ACVR1: variants seen among roughly 807,000 people sequenced by gnomAD.
ACVR1 encodes the protein activin A receptor type 1, also known as activin receptor type-1.
ACVR1 carries 38 observed loss-of-function variants against 57.1 expected under a neutral mutation model. The observed-to-expected ratio is 0.67, with a 90% CI of 0.51 to 0.87. The LOEUF is 0.87. Ranked by LOEUF, ACVR1 falls within the 40% of genes least tolerant of loss-of-function variation. ACVR1 has a pLI of 0.00. For missense variants in ACVR1, 463 were observed against 638.2 expected, an observed-to-expected ratio of 0.73 and a Z score of 2.96; for synonymous variants, 212 against 228.1, an observed-to-expected ratio of 0.93 and a Z score of 0.63.
chr2:157,761,158 A>T lies in ACVR1; in HGVS notation c.1067-81T>A. 3 of 1,394,526 alleles carry T rather than the reference A, an allele frequency of 2.2e-6. No homozygotes were observed. The South Asian group carries it at 3.7e-5, about 17-fold the overall frequency. The allele number at this position is 1,394,526 out of a possible 1,614,324, so 86.4% of individuals were successfully genotyped here. A position where few individuals can be genotyped will look rare whatever the true frequency, so the allele number is the denominator to read the frequency against. On this transcript the variant is annotated intron_variant, in intron 8 of 10. Coordinates refer to ENST00000434821, the MANE Select transcript of ACVR1 (RefSeq NM_001111067.4). ...GCTGAAGGATTTTAAACCAACCCCA[A>T]TCAAAAGTGCCCTCTTGTGGATCCA...
intron 1 of ACVR1, among the ~76,000 whole-genome samples, chr2:157,819,077 CAAAAAAAAAAAAAA>C (rs386391595): frequency 3.4e-5 from 2 of 59,178 alleles, no homozygotes; most frequent in Admixed American, 2.7e-4. Context: ...GACTCCGTCT[CAAAAAAAAAAAAAA>C]AAAAAAAAAA....
At chr2:157,836,460 T>G (rs1055770583) in intron 1 of ACVR1, among the ~76,000 whole-genome samples, 35 of 152,072 alleles carry the variant, frequency 2.3e-4, no homozygotes, top group African/African-American at 6.5e-4. Flanking sequence ...TCCTTATTGC[T>G]CCTCCCTACA....
At chr2:157,870,888 T>C (rs1690095851) in intron 1 of ACVR1, among the ~76,000 whole-genome samples, 1 of 152,172 alleles carries the variant, frequency 6.6e-6, no homozygotes, top group Non-Finnish European at 1.5e-5. Flanking sequence ...TCCAAACTCA[T>C]CCTTACGGAC....
intron 3 of ACVR1, among the ~76,000 whole-genome samples, chr2:157,796,813 A>G (rs1243834336): frequency 6.6e-6 from 1 of 152,062 alleles, no homozygotes; most frequent in Non-Finnish European, 1.5e-5. Context: ...AACTCACCAA[A>G]TCCTCCCAGC....
chr2:157,863,340 T>C (rs1259709893), intron 1 of ACVR1, among the ~76,000 whole-genome samples: 4,316 of 81,634 alleles, frequency 0.053, 179 homozygotes, highest in African/African-American at 0.11. Flanking sequence ...GTTTCTCTTT[T>C]TTTTTTTTTT....
intron 1 of ACVR1, among the ~76,000 whole-genome samples, chr2:157,845,414 T>C (rs1440372045): frequency 1.3e-5 from 2 of 152,084 alleles, no homozygotes; most frequent in African/African-American, 2.4e-5. Context: ...CATGTGAAGA[T>C]GAAGGTACAC....
chr2:157,811,258 T>C (rs1316080244), intron 2 of ACVR1, among the ~76,000 whole-genome samples: 1 of 152,198 alleles, frequency 6.6e-6, no homozygotes, highest in African/African-American at 2.4e-5. Flanking sequence ...GCTCAGCCTT[T>C]TCTTTTCACT....
intron 9 of ACVR1, among the ~76,000 whole-genome samples, chr2:157,747,122 T>C (rs772193124): frequency 6.6e-6 from 1 of 152,204 alleles, no homozygotes; most frequent in Non-Finnish European, 1.5e-5. Flanking sequence ...TCACAGAAGA[T>C]ATTCATATAT....
chr2:157,874,301 G>A (rs1190664697), intron 1 of ACVR1, among the ~76,000 whole-genome samples: 1 of 152,210 alleles, frequency 6.6e-6, no homozygotes, highest in Non-Finnish European at 1.5e-5. Context: ...ATAAAAACAA[G>A]TGAATCATAA....
intron 1 of ACVR1, among the ~76,000 whole-genome samples, chr2:157,850,683 G>A (rs1469727512): frequency 6.6e-6 from 1 of 152,140 alleles, no homozygotes; most frequent in African/African-American, 2.4e-5. Context: ...TTGGACAGGG[G>A]CAGTGCCTCA....
chr2:157,828,418 C>G (rs1356535698), intron 1 of ACVR1, among the ~76,000 whole-genome samples: 1 of 137,132 alleles, frequency 7.3e-6, no homozygotes, highest in African/African-American at 2.6e-5. Flanking sequence ...CCACTGCACT[C>G]CAGCCTAGGC....
chr2:157,870,188 C>T (rs1690071531), intron 1 of ACVR1, among the ~76,000 whole-genome samples: 1 of 152,156 alleles, frequency 6.6e-6, no homozygotes, highest in Non-Finnish European at 1.5e-5. Context: ...TCTCAAGTAT[C>T]GTCCCATTTC....
chr2:157,830,051 T>C (rs1302616824), intron 1 of ACVR1, among the ~76,000 whole-genome samples: 2 of 152,164 alleles, frequency 1.3e-5, no homozygotes, highest in Admixed American at 1.3e-4. Flanking sequence ...AAATGCCATC[T>C]GTACTAAAAA....
At chr2:157,782,064 A>C (rs1245929676) in intron 3 of ACVR1, among the ~76,000 whole-genome samples, 1 of 152,200 alleles carries the variant, frequency 6.6e-6, no homozygotes, top group Non-Finnish European at 1.5e-5. Flanking sequence ...GGAGACCTTA[A>C]GGTAAGGTCT....
intron 5 of ACVR1, among the ~76,000 whole-genome samples, chr2:157,774,411 C>A (rs1428434722): frequency 1.3e-5 from 2 of 152,182 alleles, no homozygotes; most frequent in Non-Finnish European, 2.9e-5. Context: ...GTTGCCCAGG[C>A]TGCAGTTCAA....
chr2:157,809,518 A>C (rs923070372), intron 2 of ACVR1, among the ~76,000 whole-genome samples: 3 of 152,134 alleles, frequency 2.0e-5, no homozygotes, highest in Non-Finnish European at 4.4e-5. Context: ...ACAGAAAACA[A>C]GGAGGAGACA....
chr2:157,838,526 T>C (rs1331181643), intron 1 of ACVR1, among the ~76,000 whole-genome samples: 1 of 152,142 alleles, frequency 6.6e-6, no homozygotes, highest in Non-Finnish European at 1.5e-5. Flanking sequence ...AGTAAGTACA[T>C]CCCCAGTGTA....
chr2:157,784,847 G>A (rs1686657818), intron 3 of ACVR1, among the ~76,000 whole-genome samples: 1 of 152,354 alleles, frequency 6.6e-6, no homozygotes, highest in South Asian at 2.1e-4. Context: ...CGGACTAGCA[G>A]AGAGAGAGGC....
Position 157,737,682 on chromosome 2 carries a change from C to T in ACVR1, c.1396-17G>A. 2 of 1,614,040 alleles carry T rather than the reference C, an allele frequency of 1.2e-6. No individual in the cohort carries two copies. The highest frequency in any genetic ancestry group is 2.2e-5 in the South Asian group (2 of 91,086). ...GGTTAATGTCTGAGGAGAGAAAGAA[C>T]AAACACCACAATGACAAACTGGCTT... On this transcript the variant is annotated splice_polypyrimidine_tract_variant and intron_variant, in intron 10 of 10. Transcript: ENST00000434821.
Sources: allele counts gnomAD v4.1 joint callset (sites outside exome capture counted in the v4.1 genomes callset), GRCh38; gene constraint gnomAD v4.1.1; transcripts MANE v1.5; gene names NCBI Gene and HGNC (gene_info 2026-07-23, HGNC 2026-07-21).